SSBP2: variants seen among roughly 807,000 people sequenced by gnomAD.
The protein encoded by SSBP2 is single-stranded DNA-binding protein 2.
Under a neutral mutation model 61.8 loss-of-function variants are expected in SSBP2, and 17 were observed. That is an observed-to-expected ratio of 0.28 (90% CI 0.19 to 0.41). The LOEUF (loss-of-function observed/expected upper bound fraction) is 0.41, where lower values mean the gene tolerates loss of function less well. Among genes scored for constraint, SSBP2 ranks in the 10% least tolerant of loss-of-function variants. SSBP2 has a pLI of 1.00. For synonymous variants in SSBP2, 139 were observed against 141.3 expected, an observed-to-expected ratio of 0.98 and a Z score of 0.12; for missense variants, 310 against 458.7, an observed-to-expected ratio of 0.68 and a Z score of 2.96.
At chr5:81,578,125 T>A (rs1193530127) in intron 4 of SSBP2, among the ~76,000 whole-genome samples, 33 of 152,028 alleles carry the variant, frequency 2.2e-4, no homozygotes. Flanking sequence ...AAAAAAATCA[T>A]AGGAGCACAT....
At chr5:81,703,794 T>C (rs1054406198) in intron 1 of SSBP2, among the ~76,000 whole-genome samples, 6 of 152,226 alleles carry the variant, frequency 3.9e-5, no homozygotes, top group African/African-American at 1.2e-4. Flanking sequence ...TTTAAACTAA[T>C]GTTTTTCTTT....
intron 1 of SSBP2, among the ~76,000 whole-genome samples, chr5:81,683,250 C>T (rs747415202): frequency 3.9e-5 from 6 of 152,090 alleles, no homozygotes; most frequent in South Asian, 2.1e-4. Context: ...TATTTGACTA[C>T]AGTACTAAAG....
chr5:81,699,251 T>C (rs1201970413), intron 1 of SSBP2, among the ~76,000 whole-genome samples: 1 of 152,222 alleles, frequency 6.6e-6, no homozygotes, highest in African/African-American at 2.4e-5. Context: ...AAGGCAGTGG[T>C]GGCTGTGGCA....
intron 1 of SSBP2, among the ~76,000 whole-genome samples, chr5:81,737,340 C>A (rs2154008192): frequency 6.6e-6 from 1 of 151,102 alleles, no homozygotes; most frequent in South Asian, 2.1e-4. Context: ...GTTAAGTCTT[C>A]TCTCTATGCT....
intron 8 of SSBP2, among the ~76,000 whole-genome samples, chr5:81,472,478 T>C (rs1291919898): frequency 1.3e-5 from 2 of 152,212 alleles, no homozygotes; most frequent in African/African-American, 4.8e-5. Flanking sequence ...TTCTACTGTT[T>C]TCCCATTCTA....
intron 4 of SSBP2, among the ~76,000 whole-genome samples, chr5:81,598,297 A>G (rs1743993786): frequency 6.6e-6 from 1 of 152,184 alleles, no homozygotes; most frequent in Non-Finnish European, 1.5e-5. Flanking sequence ...AATTTGCCAT[A>G]CAGAACACAA....
chr5:81,714,105 C>A (rs1202406957), intron 1 of SSBP2, among the ~76,000 whole-genome samples: 1 of 152,070 alleles, frequency 6.6e-6, no homozygotes, highest in African/African-American at 2.4e-5. Flanking sequence ...TCCCTCCCTG[C>A]GCCCATATGT....
chr5:81,497,135 A>C (rs146740900), intron 5 of SSBP2, among the ~76,000 whole-genome samples: 21 of 152,324 alleles, frequency 1.4e-4, no homozygotes, highest in South Asian at 4.1e-4. Flanking sequence ...CAAAAGCTCT[A>C]TCTCTCTTTT....
intron 3 of SSBP2, among the ~76,000 whole-genome samples, chr5:81,628,153 G>A (rs915650992): frequency 6.6e-6 from 1 of 152,150 alleles, no homozygotes; most frequent in Non-Finnish European, 1.5e-5. Context: ...AGGTTTAACT[G>A]ACTCACAGTT....
chr5:81,742,812 G>A (rs1340955969), intron 1 of SSBP2, among the ~76,000 whole-genome samples: 4 of 152,088 alleles, frequency 2.6e-5, no homozygotes, highest in Non-Finnish European at 5.9e-5. Context: ...GGGGGTGTGT[G>A]GAAGTTGCAG....
At chr5:81,694,318 G>A (rs980660880) in intron 1 of SSBP2, among the ~76,000 whole-genome samples, 1 of 152,148 alleles carries the variant, frequency 6.6e-6, no homozygotes, top group Non-Finnish European at 1.5e-5. Flanking sequence ...AACTAAAAAA[G>A]TAGAATTGTA....
At chr5:81,552,972 C>T (rs1038550192) in intron 4 of SSBP2, among the ~76,000 whole-genome samples, 1 of 152,072 alleles carries the variant, frequency 6.6e-6, no homozygotes, top group African/African-American at 2.4e-5. Context: ...AGGGAGGATA[C>T]AAACTGTCAG....
intron 10 of SSBP2, among the ~76,000 whole-genome samples, chr5:81,450,624 T>C (rs540013582): frequency 6.6e-6 from 1 of 152,336 alleles, no homozygotes; most frequent in African/African-American, 2.4e-5. Context: ...CTGACATCTT[T>C]CTTATTCCTC....
intron 1 of SSBP2, among the ~76,000 whole-genome samples, chr5:81,686,215 T>C (rs1752759061): frequency 6.6e-6 from 1 of 152,236 alleles, no homozygotes; most frequent in Admixed American, 6.5e-5. Flanking sequence ...CATCTCATAT[T>C]GAAATATGTA....
intron 3 of SSBP2, among the ~76,000 whole-genome samples, chr5:81,635,580 A>AT (rs35464950): frequency 0.029 from 3,831 of 130,854 alleles, 129 homozygotes; most frequent in African/African-American, 0.075. Context: ...GTAGAAAGCA[A>AT]TTTTTTTTTT....
At chr5:81,656,222 T>C (rs1306917546) in intron 1 of SSBP2, among the ~76,000 whole-genome samples, 1 of 152,096 alleles carries the variant, frequency 6.6e-6, no homozygotes, top group South Asian at 2.1e-4. Context: ...CAGCTAATTT[T>C]TGTATTTTTA....
At chr5:81,746,588 T>C (rs1432040543) in intron 1 of SSBP2, among the ~76,000 whole-genome samples, 2 of 152,158 alleles carry the variant, frequency 1.3e-5, no homozygotes, top group Non-Finnish European at 2.9e-5. Flanking sequence ...CAGATATTAA[T>C]CCCTTTTATA....
intron 1 of SSBP2, among the ~76,000 whole-genome samples, chr5:81,725,525 T>G (rs1290119367): frequency 2.0e-5 from 3 of 152,022 alleles, no homozygotes; most frequent in Non-Finnish European, 4.4e-5. Context: ...AAAATCAAAG[T>G]TCTCCCAAAA....
intron 4 of SSBP2, among the ~76,000 whole-genome samples, chr5:81,579,246 A>C (rs1581075874): frequency 6.6e-6 from 1 of 151,996 alleles, no homozygotes; most frequent in East Asian, 1.9e-4. Context: ...GTTTTTTTTC[A>C]TAAAGTTTTT....
Sources: allele counts gnomAD v4.1 joint callset (sites outside exome capture counted in the v4.1 genomes callset), GRCh38; gene constraint gnomAD v4.1.1; transcripts MANE v1.5; gene names NCBI Gene and HGNC (gene_info 2026-07-23, HGNC 2026-07-21).